The following PARP11 variants were observed in gnomAD, a reference collection of about 807,000 sequenced individuals.
PARP11 encodes protein mono-ADP-ribosyltransferase PARP11.
In PARP11, 31 loss-of-function variants were observed where a neutral mutation model predicts 42.9. The ratio of observed to expected loss-of-function variants is 0.72; its 90% CI spans 0.54 to 0.98. The LOEUF (loss-of-function observed/expected upper bound fraction) is 0.98. PARP11 is among the 50% of genes least tolerant of loss of function. The probability of loss-of-function intolerance (pLI) is 0.00; values close to 1 mark genes in which losing one functional copy is unlikely to be tolerated. For synonymous variants in PARP11, 137 were observed against 127.3 expected (o/e 1.08, Z -0.51); for missense variants, 365 against 413.1 (o/e 0.88, Z 1.01).
intron 1 of PARP11, among the ~76,000 whole-genome samples, chr12:3,860,599 CCTTT>C (rs1225709292): frequency 2.0e-5 from 3 of 152,184 alleles, no homozygotes; most frequent in African/African-American, 7.2e-5. Context: ...TTTCTTCCTT[CCTTT>C]TTCTCCCTTT....
rs1251044966 is a variant in PARP11 at position 3,810,097 on chromosome 12, A to T, written c.*2026T>A. ...CACTCTTTGCTTTTATTATTTGTAGATCCCTTTCTAATTCAAATGATTCAA... is the reference window on the plus strand; with the variant it reads ...CACTCTTTGCTTTTATTATTTGTAGTTCCCTTTCTAATTCAAATGATTCAA... On this transcript the variant is annotated 3_prime_UTR_variant, in exon 8 of 8. Coordinates refer to ENST00000228820, the MANE Select transcript of PARP11 (RefSeq NM_020367.6). 1 of 152,194 alleles carries T rather than the reference A, an allele frequency of 6.6e-6. No homozygotes were observed. The highest frequency in any genetic ancestry group is 1.5e-5 in the Non-Finnish European group (1 of 68,042). 9.4% of individuals were successfully genotyped at this position (152,194 alleles called of 1,614,324 possible).
chr12:3,832,484 G>C (rs1947664183), intron 1 of PARP11, among the ~76,000 whole-genome samples: 1 of 152,168 alleles, frequency 6.6e-6, no homozygotes, highest in Non-Finnish European at 1.5e-5. Flanking sequence ...CACATGGACA[G>C]TTATTTCTCC....
intron 1 of PARP11, among the ~76,000 whole-genome samples, chr12:3,836,013 TTA>T (rs1288070603): frequency 6.6e-6 from 1 of 151,492 alleles, no homozygotes; most frequent in Non-Finnish European, 1.5e-5. Context: ...TTTGTAAATT[TTA>T]TATATATATA....
chr12:3,856,407 T>G (rs1381710546), intron 1 of PARP11, among the ~76,000 whole-genome samples: 2 of 151,978 alleles, frequency 1.3e-5, no homozygotes, highest in East Asian at 3.9e-4. Context: ...TACAAAGAAC[T>G]CAAACAAATT....
chr12:3,858,929 A>T (rs1233260250), intron 1 of PARP11, among the ~76,000 whole-genome samples: 1 of 145,826 alleles, frequency 6.9e-6, no homozygotes, highest in Non-Finnish European at 1.5e-5. Flanking sequence ...ATCTCTATTT[A>T]AAAAAAAAAA....
Position 3,821,872 on chromosome 12 carries a change from C to T in PARP11, c.548+1G>A. 3 of 1,604,440 alleles carry T rather than the reference C, an allele frequency of 1.9e-6. No individual in the cohort carries two copies. Among genetic ancestry groups the T allele is most frequent in the Non-Finnish European group, 2.5e-6 (3 of 1,177,970 alleles). ...AAGTTTCAGATTAGAAATCATCTCACCTGCAAAAGAACTCCCACAAATCTA... is the reference window on the plus strand; with the variant it reads ...AAGTTTCAGATTAGAAATCATCTCATCTGCAAAAGAACTCCCACAAATCTA... On this transcript the variant is annotated splice_donor_variant, in intron 6 of 7. Coordinates refer to ENST00000228820, the MANE Select transcript of PARP11 (RefSeq NM_020367.6). LOFTEE classifies it high-confidence loss of function.
intron 1 of PARP11, chr12:3,842,430 G>C: frequency 6.2e-7 from 1 of 1,607,688 alleles, no homozygotes; most frequent in Middle Eastern, 1.7e-4. Context: ...AAGGTTATCA[G>C]TACCATCGAA....
intron 1 of PARP11, chr12:3,839,322 C>A (rs1424380607): frequency 7.9e-6 from 12 of 1,528,294 alleles, no homozygotes; most frequent in Non-Finnish European, 1.0e-5. Context: ...CCGTCGGCGT[C>A]CCCGACGGCG....
At chr12:3,813,437 T>C (rs1947223068) in intron 7 of PARP11, among the ~76,000 whole-genome samples, 1 of 152,148 alleles carries the variant, frequency 6.6e-6, no homozygotes, top group Non-Finnish European at 1.5e-5. Context: ...TCTGAAATGG[T>C]AGACACAAGA....
At position 3,814,101 on chromosome 12, in the gene PARP11, T is replaced by C. The variant is rs201810855; in HGVS notation, c.636A>G (p.Glu212=). ...AATCAAAGTTATGAATGCAGATTGCTTCCACAAATTCACTGCTGGTACCAT... is the reference window on the plus strand; with the variant it reads ...AATCAAAGTTATGAATGCAGATTGCCTCCACAAATTCACTGCTGGTACCAT... The part of the protein sequence containing the change: ...LFHGTSSEFV[E]AICIHNFDWR... Residue 212 remains glutamate (E), a synonymous_variant, in exon 7 of 8, where the codon GAA becomes GAG. Coordinates refer to ENST00000228820, the MANE Select transcript of PARP11 (RefSeq NM_020367.6). 1.6e-5 allele frequency: 26 copies of C among 1,609,218 alleles called. No homozygotes were observed. Among genetic ancestry groups the C allele is most frequent in the Non-Finnish European group, 2.1e-5 (25 of 1,177,032 alleles).
chr12:3,814,179 A>G lies in PARP11; in HGVS notation c.558T>C (p.Ala186=). The G allele has an allele frequency of 6.2e-7, 1 of 1,600,802 alleles. No homozygotes were observed. The highest frequency in any genetic ancestry group is 8.5e-7 in the Non-Finnish European group (1 of 1,171,540). ...DLWEFFCRKK[A]QLKKKRGVPQ... is the part of the protein sequence containing the mutation. ...GCACACCTCTTTTTTTCTTGAGCTG[A>G]GCCTTTTTCCTAAAAACACAATATA... The change falls in exon 7 of 8, where the codon GCT becomes GCC. Residue 186 remains alanine, a synonymous_variant. Transcript: ENST00000228820.
chr12:3,845,425 C>T (rs1174953823), intron 1 of PARP11, among the ~76,000 whole-genome samples: 2 of 152,194 alleles, frequency 1.3e-5, no homozygotes, highest in East Asian at 3.8e-4. Context: ...ATTAAAATGC[C>T]TGTGAACTGC....
intron 1 of PARP11, among the ~76,000 whole-genome samples, chr12:3,847,021 G>A (rs1296269493): frequency 6.6e-6 from 1 of 152,068 alleles, no homozygotes; most frequent in Non-Finnish European, 1.5e-5. Flanking sequence ...AAGCTACAGT[G>A]AGCTATGACT....
chr12:3,858,543 T>A (rs931352272), intron 1 of PARP11, among the ~76,000 whole-genome samples: 1 of 152,226 alleles, frequency 6.6e-6, no homozygotes, highest in African/African-American at 2.4e-5. Flanking sequence ...CTCGCCCCTA[T>A]AGGAGCCACT....
At chr12:3,843,914 C>T (rs1565543845) in intron 1 of PARP11, among the ~76,000 whole-genome samples, 1 of 152,188 alleles carries the variant, frequency 6.6e-6, no homozygotes, top group Non-Finnish European at 1.5e-5. Flanking sequence ...TCTTTGCATA[C>T]CATGTGTAAT....
At position 3,861,148 on chromosome 12, in the gene PARP11, T is replaced by G. The variant is rs866677777; in HGVS notation, c.18+12064A>C. ...GGTATCAGTTAAGACTCTGGGGTGA[T>G]TGGGATAAAATGAATGTAATTTGCA... On this transcript the variant is annotated intron_variant, in intron 1 of 7. Transcript: ENST00000228820. The surrounding 1 kb of genome is among the most constrained non-coding windows in gnomAD (Gnocchi z 4.6). 6.6e-6 allele frequency among the ~76,000 whole-genome samples: 1 copy of G among 152,190 alleles called. No individual in the cohort carries two copies. Among genetic ancestry groups the G allele is most frequent in the Non-Finnish European group, 1.5e-5 (1 of 68,026 alleles).
intron 6 of PARP11, among the ~76,000 whole-genome samples, chr12:3,817,351 CTAG>C (rs1308343106): frequency 3.3e-5 from 5 of 152,060 alleles, no homozygotes; most frequent in Non-Finnish European, 5.9e-5. Context: ...CGCTTACTTA[CTAG>C]ATTAGATGGT....
At chr12:3,839,946 T>A in intron 1 of PARP11, 1 of 1,229,942 alleles carries the variant, frequency 8.1e-7, no homozygotes, top group African/African-American at 1.5e-5. Flanking sequence ...AAACTGCTGT[T>A]GCTGCTGCTG....
chr12:3,841,536 G>A lies in PARP11; in HGVS notation c.19-11518C>T, dbSNP rs1374144931. The A allele has an allele frequency of 1.7e-5, 27 of 1,598,270 alleles. 1 individual carries two copies. The highest frequency in any genetic ancestry group is 2.2e-5 in the South Asian group (2 of 90,724). On this transcript the variant is annotated intron_variant, in intron 1 of 7. Transcript: ENST00000228820. Reference sequence around the variant, plus strand: ...TGCTACAGCCAGTGATTGGACCGCCGACATTTTCTTCACCTCTGGTTATCC... The same window carrying A: ...TGCTACAGCCAGTGATTGGACCGCCAACATTTTCTTCACCTCTGGTTATCC...
Sources: allele counts gnomAD v4.1 joint callset (sites outside exome capture counted in the v4.1 genomes callset), GRCh38; gene constraint gnomAD v4.1.1; non-coding constraint Gnocchi (gnomAD v3.1); transcripts MANE v1.5; gene names NCBI Gene and HGNC (gene_info 2026-07-23, HGNC 2026-07-21).